NEK10: variants seen among roughly 807,000 people sequenced by gnomAD.
The protein encoded by NEK10 is serine/threonine-protein kinase Nek10.
A neutral mutation model predicts 159.8 loss-of-function variants in NEK10; 122 were observed. The observed-to-expected ratio is 0.76, with a 90% confidence interval of 0.66 to 0.89. The LOEUF (loss-of-function observed/expected upper bound fraction) is 0.89, where lower values mean the gene tolerates loss of function less well. Ranked by LOEUF, NEK10 falls within the 40% of genes least tolerant of loss-of-function variation. The probability of loss-of-function intolerance (pLI) is 0.00; values close to 1 mark genes in which losing one functional copy is unlikely to be tolerated. For missense variants in NEK10, 1,342 were observed against 1,323.1 expected (o/e 1.01, Z -0.22); for synonymous variants, 466 against 457.1 (o/e 1.02, Z -0.25).
At chr3:27,293,183 C>G (rs577646237) in intron 16 of NEK10, among the ~76,000 whole-genome samples, 7 of 149,476 alleles carry the variant, frequency 4.7e-5, no homozygotes, top group African/African-American at 1.7e-4. Context: ...TTTGTTTTCC[C>G]TTTGATTAAA....
intron 32 of NEK10, among the ~76,000 whole-genome samples, chr3:27,129,453 C>T (rs1391770214): frequency 6.6e-6 from 1 of 152,048 alleles, no homozygotes; most frequent in African/African-American, 2.4e-5. Flanking sequence ...GGCCACTCCT[C>T]TATGGTTACA....
chr3:27,270,552 C>G (rs2041256438), intron 22 of NEK10, among the ~76,000 whole-genome samples: 1 of 152,066 alleles, frequency 6.6e-6, no homozygotes, highest in African/African-American at 2.4e-5. Context: ...GAATGTGTTA[C>G]CCAGCAATGG....
intron 29 of NEK10, among the ~76,000 whole-genome samples, chr3:27,169,967 G>C (rs909537888): frequency 6.6e-6 from 1 of 152,138 alleles, no homozygotes; most frequent in African/African-American, 2.4e-5. Context: ...ATTTATCCCA[G>C]AGTTCCTGTG....
chr3:27,170,326 C>G (rs1191617299), intron 29 of NEK10, among the ~76,000 whole-genome samples: 1 of 152,200 alleles, frequency 6.6e-6, no homozygotes, highest in Non-Finnish European at 1.5e-5. Flanking sequence ...AGTCCTTCCA[C>G]CATTCTCTGC....
intron 16 of NEK10, among the ~76,000 whole-genome samples, chr3:27,292,721 C>A (rs563770937): frequency 2.0e-5 from 3 of 147,140 alleles, no homozygotes; most frequent in African/African-American, 7.7e-5. Flanking sequence ...GTAGTCCCAG[C>A]TACTCAGGAG....
intron 6 of NEK10, among the ~76,000 whole-genome samples, chr3:27,316,296 G>A (rs956196372): frequency 6.6e-6 from 1 of 152,082 alleles, no homozygotes; most frequent in Non-Finnish European, 1.5e-5. Context: ...AGAGAAAGGG[G>A]TAGTATTTGA....
At chr3:27,360,697 G>A (rs1447262776) in intron 1 of NEK10, among the ~76,000 whole-genome samples, 1 of 152,162 alleles carries the variant, frequency 6.6e-6, no homozygotes, top group Non-Finnish European at 1.5e-5. Context: ...TGGGGTGCTT[G>A]CAAACATCCA....
At chr3:27,151,034 C>T (rs1293502315) in intron 30 of NEK10, among the ~76,000 whole-genome samples, 1 of 152,106 alleles carries the variant, frequency 6.6e-6, no homozygotes, top group African/African-American at 2.4e-5. Flanking sequence ...TCTGGCACAC[C>T]TAGCTCTGCC....
rs373654897 is a variant in NEK10 at position 27,304,922 on chromosome 3, C to T, written c.853G>A (p.Glu285Lys). ...ATCCCCTCATAGAGCTTCACCTGCT[C>T]TTTCACCTGGGGCTCTGCACAAAGT... Reference protein sequence around the residue: ...RLLCAEPQVKEQVKLYEGIPV... With the variant: ...RLLCAEPQVKKQVKLYEGIPV... Residue 285 changes from glutamate (E) to lysine (K), a missense_variant, in exon 12 of 36, where the codon GAG becomes AAG. Coordinates refer to ENST00000691995, the MANE Select transcript of NEK10 (RefSeq NM_001394966.1). 3.1e-6 allele frequency: 5 copies of T among 1,613,472 alleles called. No homozygotes were observed. The African/African-American group carries it at 6.7e-5, about 22-fold the overall frequency.
At chr3:27,132,522 AAG>A (rs1160678108) in intron 31 of NEK10, among the ~76,000 whole-genome samples, 1 of 152,172 alleles carries the variant, frequency 6.6e-6, no homozygotes, top group Admixed American at 6.6e-5. Flanking sequence ...TTCCAGAAGA[AAG>A]AGAGGATAGA....
intron 23 of NEK10, among the ~76,000 whole-genome samples, chr3:27,204,301 G>GTTTTTTTTTTTTTTTTTT (rs567092116): frequency 1.5e-5 from 1 of 66,378 alleles, no homozygotes; most frequent in Non-Finnish European, 2.8e-5. Context: ...TTTTGTTGTT[G>GTTTTTTTTTTTTTTTTTT]TTTTTTTTTT....
chr3:27,220,770 G>T (rs13090276), intron 23 of NEK10, among the ~76,000 whole-genome samples: 4,625 of 152,114 alleles, frequency 0.03, 87 homozygotes, highest in African/African-American at 0.035. Flanking sequence ...TTTCAAAACT[G>T]ACTACAAAGC....
intron 22 of NEK10, among the ~76,000 whole-genome samples, chr3:27,264,393 A>C (rs1210837511): frequency 6.6e-6 from 1 of 152,214 alleles, no homozygotes; most frequent in Non-Finnish European, 1.5e-5. Context: ...AATTATTGAC[A>C]AAATGTAAGT....
intron 22 of NEK10, among the ~76,000 whole-genome samples, chr3:27,275,455 A>C (rs2041700018): frequency 1.3e-5 from 2 of 152,218 alleles, no homozygotes; most frequent in Non-Finnish European, 2.9e-5. Context: ...TTCCATGGTG[A>C]TCCTTCTTAC....
chr3:27,264,162 C>T (rs929175610), intron 22 of NEK10, among the ~76,000 whole-genome samples: 1 of 152,104 alleles, frequency 6.6e-6, no homozygotes, highest in Non-Finnish European at 1.5e-5. Context: ...CACCAAGACA[C>T]TGCCAATATA....
At chr3:27,252,998 T>C in intron 23 of NEK10, 1 of 414,188 alleles carries the variant, frequency 2.4e-6, no homozygotes, top group Non-Finnish European at 4.8e-6. Context: ...TCTATCAACT[T>C]TATGTATCAA....
At chr3:27,209,498 T>A (rs975370766) in intron 23 of NEK10, among the ~76,000 whole-genome samples, 2 of 152,216 alleles carry the variant, frequency 1.3e-5, no homozygotes, top group African/African-American at 4.8e-5. Context: ...ACCAATGAAA[T>A]CAATGATTTA....
At chr3:27,196,127 C>T (rs1039792345) in intron 25 of NEK10, among the ~76,000 whole-genome samples, 1 of 152,174 alleles carries the variant, frequency 6.6e-6, no homozygotes, top group African/African-American at 2.4e-5. Flanking sequence ...CAACCCCTGA[C>T]CTAACTGCTT....
intron 5 of NEK10, among the ~76,000 whole-genome samples, chr3:27,322,499 T>C (rs1173821168): frequency 1.3e-5 from 2 of 152,150 alleles, no homozygotes; most frequent in Non-Finnish European, 2.9e-5. Context: ...GCCACCACCC[T>C]TACTGACTCA....
Sources: allele counts gnomAD v4.1 joint callset (sites outside exome capture counted in the v4.1 genomes callset), GRCh38; gene constraint gnomAD v4.1.1; transcripts MANE v1.5; gene names NCBI Gene and HGNC (gene_info 2026-07-23, HGNC 2026-07-21).